The following KLC2 variants were observed in gnomAD, a reference collection of about 807,000 sequenced individuals.
The protein encoded by KLC2 is kinesin light chain 2, also known as KLC 2.
A neutral mutation model predicts 75.1 loss-of-function variants in KLC2; 35 were observed. The observed-to-expected ratio is 0.47, with a 90% CI of 0.36 to 0.62. KLC2 has a LOEUF of 0.62. Among genes scored for constraint, KLC2 ranks in the 20% least tolerant of loss-of-function variants. The probability of loss-of-function intolerance (pLI) is 0.00; values close to 1 mark genes in which losing one functional copy is unlikely to be tolerated. For missense variants in KLC2, 611 were observed against 833.2 expected (o/e 0.73, Z 3.28); for synonymous variants, 314 against 336.7 (o/e 0.93, Z 0.74).
At chr11:66,258,902 G>A (rs1856197777) in intron 2 of KLC2, 80 bp downstream of exon 2, 1 of 961,050 alleles carries the variant, frequency 1.0e-6, no homozygotes, top group Non-Finnish European at 1.6e-6. Flanking sequence ...TGTAGGAGAA[G>A]AATCTGAGCA....
intron 5 of KLC2, 63 bp from the exon 6 acceptor site, chr11:66,263,597 C>T (rs1856590030): frequency 8.7e-6 from 10 of 1,144,618 alleles, no homozygotes; most frequent in Non-Finnish European, 1.3e-5. Flanking sequence ...ACAGGGATTG[C>T]AGACCATTGG....
intron 12 of KLC2, 37 bp from the exon 13 acceptor site, chr11:66,265,817 G>A: frequency 6.3e-7 from 1 of 1,599,042 alleles, no homozygotes; most frequent in Non-Finnish European, 8.5e-7. Flanking sequence ...CCTGGGTGTG[G>A]TCCATTCACT....
At chr11:66,250,374 C>T in the KLC2 span, among the ~76,000 whole-genome samples, 2 of 152,176 alleles carry the variant, frequency 1.3e-5, no homozygotes, top group Admixed American at 6.5e-5. Flanking sequence ...TTAAGTCACT[C>T]GTCCAATGCA....
intron 14 of KLC2, 56 bp from the exon 15 acceptor site, chr11:66,266,363 ACCCTTCTCCCTGCC>A: frequency 9.2e-7 from 1 of 1,091,676 alleles, no homozygotes; most frequent in Non-Finnish European, 1.4e-6. Flanking sequence ...CCCCAGCCCC[ACCCTTCTCCCTGCC>A]CCCATCTCCC....
Position 66,261,528 on chromosome 11 carries a change from G to A in KLC2, c.229-214G>A, listed in dbSNP as rs1225620882. 8 of 538,872 alleles carry A rather than the reference G, an allele frequency of 1.5e-5. No individual in the cohort carries two copies. In the East Asian group the frequency reaches 2.0e-4, roughly 14 times the overall value. 33.4% of individuals were successfully genotyped at this position (538,872 alleles called of 1,614,324 possible). ...CTGATCCTAGAAGGAAGGAACTGGG[G>A]ACTCCCAAGCCTCCTGGGTTTGGGC... On this transcript the variant is annotated intron_variant, in intron 2 of 15. Coordinates refer to ENST00000394067, the MANE Select transcript of KLC2 (RefSeq NM_001318734.2).
chr11:66,252,713 TGA>T (rs1855974389), upstream of KLC2, among the ~76,000 whole-genome samples: 1 of 152,158 alleles, frequency 6.6e-6, no homozygotes, highest in Non-Finnish European at 1.5e-5. Context: ...TGAACTTAGC[TGA>T]GTCTGACCCC....
chr11:66,265,275 A>G, intron 11 of KLC2, 40 bp downstream of exon 11: 1 of 1,560,490 alleles, frequency 6.4e-7, no homozygotes, highest in Non-Finnish European at 8.8e-7. Flanking sequence ...AGGGCACGGC[A>G]GGGCGGGCTC....
chr11:66,264,066 A>G lies in KLC2; in HGVS notation c.963A>G (p.Pro321=). 1 of 1,607,670 alleles carries G rather than the reference A, an allele frequency of 6.2e-7. No individual in the cohort carries two copies. Among genetic ancestry groups the G allele is most frequent in the Non-Finnish European group, 8.5e-7 (1 of 1,176,656 alleles). Residue 321 remains proline (P), a synonymous_variant, in exon 8 of 16, where the codon CCA becomes CCG. Transcript: ENST00000394067. The part of the protein sequence containing the change: ...IREKVLGKFH[P]DVAKQLSNLA... Reference sequence around the variant, plus strand: ...CCCAGGTCCTGGGCAAGTTTCACCCAGATGTGGCCAAGCAGCTCAGCAACC... The same window carrying G: ...CCCAGGTCCTGGGCAAGTTTCACCCGGATGTGGCCAAGCAGCTCAGCAACC...
chr11:66,250,303 A>G, the KLC2 span, among the ~76,000 whole-genome samples: 1 of 152,140 alleles, frequency 6.6e-6, no homozygotes, highest in Non-Finnish European at 1.5e-5. Flanking sequence ...TTGTTGCAGT[A>G]TCCAGCACCC....
intron 4 of KLC2, 145 bp from the exon 5 acceptor site, chr11:66,262,669 C>T: frequency 3.1e-6 from 2 of 644,622 alleles, no homozygotes; most frequent in Non-Finnish European, 2.7e-6. Context: ...TAACTAGACC[C>T]ATTCTATAAA....
At chr11:66,260,428 T>C (rs1242122409) in intron 2 of KLC2, among the ~76,000 whole-genome samples, 1 of 151,770 alleles carries the variant, frequency 6.6e-6, no homozygotes, top group South Asian at 2.1e-4. Flanking sequence ...AAGTGGGAGG[T>C]GTGACTAGCT....
At position 66,258,655 on chromosome 11, in the gene KLC2, A is replaced by T; in HGVS notation, c.61A>T (p.Thr21Ser). The T allele has an allele frequency of 6.2e-7, 1 of 1,614,022 alleles. No homozygotes were observed. Among genetic ancestry groups the T allele is most frequent in the Non-Finnish European group, 8.5e-7 (1 of 1,179,984 alleles). Residue 21 changes from threonine (T) to serine (S), a missense_variant, in exon 2 of 16, where the codon ACC becomes TCC. Transcript: ENST00000394067. ...KLSQDEIVLG[T>S]KAVIQGLETL... ...GAGCCAGGATGAGATCGTGCTGGGCACCAAGGCTGTCATCCAGGGACTGGA... is the reference window on the plus strand; with the variant it reads ...GAGCCAGGATGAGATCGTGCTGGGCTCCAAGGCTGTCATCCAGGGACTGGA...
Position 66,266,223 on chromosome 11 carries a change from C to A in KLC2, c.1727+6C>A. ...CAGGAGCCCCCTAACCCCAGGTGAG[C>A]CCCCCACCAAGGTGAGCCTCAAGAA... On this transcript the variant is annotated splice_donor_region_variant and intron_variant, in intron 14 of 15. Transcript: ENST00000394067. 6.3e-7 allele frequency: 1 copy of A among 1,594,842 alleles called. No homozygotes were observed. The highest frequency in any genetic ancestry group is 8.5e-7 in the Non-Finnish European group (1 of 1,170,064).
chr11:66,265,307 C>A, intron 11 of KLC2, 72 bp downstream of exon 11: 3 of 1,293,102 alleles, frequency 2.3e-6, no homozygotes, highest in Non-Finnish European at 2.2e-6. Context: ...CTCTCACCCC[C>A]AACACACCCC....
chr11:66,260,124 G>A (rs2134801684), intron 2 of KLC2, among the ~76,000 whole-genome samples: 1 of 152,144 alleles, frequency 6.6e-6, no homozygotes, highest in Non-Finnish European at 1.5e-5. Flanking sequence ...TTTAAAATAG[G>A]GATCATGCCA....
At position 66,267,692 on chromosome 11, in the gene KLC2, G is replaced by T; in HGVS notation, c.*736G>T. The T allele has an allele frequency of 3.5e-6, 1 of 288,574 alleles. No homozygotes were observed. The highest frequency in any genetic ancestry group is 6.8e-6 in the Non-Finnish European group (1 of 147,998). 17.9% of individuals were successfully genotyped at this position (288,574 alleles called of 1,614,324 possible). A position where few individuals can be genotyped will look rare whatever the true frequency, so the allele number is the denominator to read the frequency against. ...GCCCAGGCACGGCCGACCCCGCCCC[G>T]GGCACCGCCCACCGAGCCATCCTGC... is the stretch of plus-strand genomic sequence containing the variant. On this transcript the variant is annotated 3_prime_UTR_variant, in exon 16 of 16. Transcript: ENST00000394067.
At position 66,262,842 on chromosome 11, in the gene KLC2, T is replaced by C. The variant is rs377273876; in HGVS notation, c.558T>C (p.Ser186=). The change falls in exon 5 of 16, where the codon TCT becomes TCC. Residue 186 remains serine, a synonymous_variant. Transcript: ENST00000394067. ...CTAGCCCAGGAGGAGGGGATGTGTC[T>C]GGTCAGCATGGGGGCTACGAGATCC... ...PAPSPGGGDV[S]GQHGGYEIPA... The C allele has an allele frequency of 6.2e-7, 1 of 1,613,078 alleles. No individual in the cohort carries two copies. Among genetic ancestry groups the C allele is most frequent in the Non-Finnish European group, 8.5e-7 (1 of 1,179,828 alleles).
intron 15 of KLC2, 134 bp downstream of exon 15, chr11:66,266,624 C>G (rs1387053837): frequency 8.7e-6 from 9 of 1,038,214 alleles, no homozygotes; most frequent in South Asian, 2.6e-5. Context: ...TTGGGCTGGA[C>G]AACGGGGAGA....
the KLC2 span, among the ~76,000 whole-genome samples, chr11:66,251,155 G>A: frequency 2.6e-5 from 4 of 152,190 alleles, no homozygotes; most frequent in African/African-American, 7.2e-5. Flanking sequence ...ATCTGAGAGC[G>A]ACTTAAGAGG....
Sources: allele counts gnomAD v4.1 joint callset (sites outside exome capture counted in the v4.1 genomes callset), GRCh38; gene constraint gnomAD v4.1.1; transcripts MANE v1.5; gene names NCBI Gene and HGNC (gene_info 2026-07-23, HGNC 2026-07-21).